LIX1L: variants seen among roughly 807,000 people sequenced by gnomAD.
The protein encoded by LIX1L is LIX1-like protein.
LIX1L carries 20 observed loss-of-function variants against 34.0 expected under a neutral mutation model. The ratio of observed to expected loss-of-function variants is 0.59; its 90% CI spans 0.41 to 0.85. The LOEUF is 0.85. LIX1L is among the 40% of genes least tolerant of loss of function. The probability of loss-of-function intolerance (pLI) is 0.00; values close to 1 mark genes in which losing one functional copy is unlikely to be tolerated. For missense variants in LIX1L, 397 were observed against 447.0 expected (o/e 0.89, Z 1.01); for synonymous variants, 170 against 187.4 (o/e 0.91, Z 0.76).
At position 145,936,906 on chromosome 1, in the gene LIX1L, A is replaced by G; in HGVS notation, c.771+2T>C. ...TTCGCCCCCACTCATAAAATCTCTT[A>G]CCTGCCGAGAGCATTGTCGTTCCCT... On this transcript the variant is annotated splice_donor_variant, in intron 5 of 5. Coordinates refer to ENST00000604000, the MANE Select transcript of LIX1L (RefSeq NM_153713.3). LOFTEE classifies it high-confidence loss of function. 6.2e-7 allele frequency: 1 copy of G among 1,606,180 alleles called. No homozygotes were observed. The highest frequency in any genetic ancestry group is 8.5e-7 in the Non-Finnish European group (1 of 1,172,994).
At chr1:145,944,334 G>C (rs927635346) in intron 2 of LIX1L, among the ~76,000 whole-genome samples, 2 of 152,154 alleles carry the variant, frequency 1.3e-5, no homozygotes, top group Admixed American at 1.3e-4. Context: ...ACTCCAGCCT[G>C]GGCAACAGAG....
In LIX1L at chr1:145,947,640, TC is replaced by T; in HGVS notation, c.434del (p.Gly145GlufsTer25). ...PYVCYVTLPG[G>X]SCFGSFQFCP... ...TTACCTGGAAACTCCCAAAGCAGCTTCCCCCAGGCAGGGTGACATAGCAGAC... is the reference window on the plus strand; with the variant it reads ...TTACCTGGAAACTCCCAAAGCAGCTTCCCCAGGCAGGGTGACATAGCAGAC... On this transcript the variant is annotated frameshift_variant, in exon 2 of 6. Coordinates refer to ENST00000604000, the MANE Select transcript of LIX1L (RefSeq NM_153713.3). LOFTEE classifies it high-confidence loss of function. 1 of 1,613,922 alleles carries T rather than the reference TC, an allele frequency of 6.2e-7. No homozygotes were observed. The highest frequency in any genetic ancestry group is 8.5e-7 in the Non-Finnish European group (1 of 1,179,920).
chr1:145,942,502 C>CA (rs1370613705), intron 3 of LIX1L, among the ~76,000 whole-genome samples: 1 of 152,072 alleles, frequency 6.6e-6, no homozygotes, highest in African/African-American at 2.4e-5. Flanking sequence ...GACAAAACAA[C>CA]AAAAAACACA....
At chr1:145,937,474 T>C in intron 4 of LIX1L, 130 bp downstream of exon 4, 2 of 623,382 alleles carry the variant, frequency 3.2e-6, no homozygotes, top group South Asian at 4.1e-5. Flanking sequence ...GGTATTTATT[T>C]TTGAAAAATA....
intron 5 of LIX1L, 148 bp downstream of exon 5, chr1:145,936,760 T>G: frequency 1.3e-6 from 1 of 783,168 alleles, no homozygotes; most frequent in Non-Finnish European, 2.1e-6. Context: ...GGAAAGATTA[T>G]AGGAATGAAG....
intron 2 of LIX1L, among the ~76,000 whole-genome samples, chr1:145,946,200 CTTTT>C (rs5777570): frequency 5.8e-5 from 8 of 138,042 alleles, no homozygotes; most frequent in Admixed American, 1.5e-4. Context: ...GACTGAAGTT[CTTTT>C]TTTTTTTTTT....
Position 145,950,760 on chromosome 1 carries a change from C to A in LIX1L, c.293-2978G>T, listed in dbSNP as rs368672160. Among the ~76,000 whole-genome samples, 21 of 152,244 alleles carry A rather than the reference C, an allele frequency of 1.4e-4. No homozygotes were observed. The East Asian group carries it at 3.7e-3, about 27-fold the overall frequency. On this transcript the variant is annotated intron_variant, in intron 1 of 5. Transcript: ENST00000604000. The stretch of plus-strand genomic sequence containing the variant: ...CACCAGGATCTGCCTGTGTTAATAC[C>A]CCTGATGTGCTAGGTCATTGGCTGG...
intron 3 of LIX1L, among the ~76,000 whole-genome samples, chr1:145,941,496 G>A (rs1559239594): frequency 6.6e-6 from 1 of 151,814 alleles, no homozygotes; most frequent in Non-Finnish European, 1.5e-5. Flanking sequence ...CAGATGATCC[G>A]CCTGCCTCAG....
At chr1:145,955,977 C>T (rs1649461322) in intron 1 of LIX1L, among the ~76,000 whole-genome samples, 1 of 152,156 alleles carries the variant, frequency 6.6e-6, no homozygotes, top group Non-Finnish European at 1.5e-5. Flanking sequence ...CTGTAAGTTG[C>T]CAAGAGGAAG....
chr1:145,944,906 C>T (rs1239639348), intron 2 of LIX1L, among the ~76,000 whole-genome samples: 5 of 151,732 alleles, frequency 3.3e-5, no homozygotes, highest in Non-Finnish European at 7.4e-5. Context: ...CATATGCCTG[C>T]GGCCCCAGCT....
chr1:145,938,738 C>A (rs782019628), intron 3 of LIX1L, among the ~76,000 whole-genome samples: 1 of 152,056 alleles, frequency 6.6e-6, no homozygotes, highest in Non-Finnish European at 1.5e-5. Context: ...TAGGCATGCG[C>A]CATCACGCCC....
At chr1:145,947,515 C>T in intron 2 of LIX1L, 104 bp downstream of exon 2, 3 of 1,249,890 alleles carry the variant, frequency 2.4e-6, no homozygotes, top group Non-Finnish European at 1.1e-6. Context: ...TGCTTTAGGT[C>T]CTCAAATATA....
intron 1 of LIX1L, among the ~76,000 whole-genome samples, chr1:145,953,843 CA>C (rs1649380059): frequency 6.6e-6 from 1 of 151,970 alleles, no homozygotes; most frequent in African/African-American, 2.4e-5. Context: ...CACTTGAGGC[CA>C]GGAGTTCAAG....
At chr1:145,937,784 C>G in intron 3 of LIX1L, 85 bp from the exon 4 acceptor site, 1 of 811,066 alleles carries the variant, frequency 1.2e-6, no homozygotes, top group East Asian at 2.5e-5. Context: ...AAATATAATG[C>G]AAGCCACATA....
At chr1:145,942,035 C>G (rs949448166) in intron 3 of LIX1L, 1 of 152,362 alleles carries the variant, frequency 6.6e-6, no homozygotes, top group South Asian at 2.1e-4. Flanking sequence ...AGACGCCCCC[C>G]ACCATGCCCG....
Position 145,957,837 on chromosome 1 carries a change from C to G in LIX1L, c.91G>C (p.Ala31Pro). 1 of 1,417,894 alleles carries G rather than the reference C, an allele frequency of 7.1e-7. No individual in the cohort carries two copies. The highest frequency in any genetic ancestry group is 9.2e-7 in the Non-Finnish European group (1 of 1,087,092). 87.8% of individuals were successfully genotyped at this position (1,417,894 alleles called of 1,614,324 possible). A position where few individuals can be genotyped will look rare whatever the true frequency, so the allele number is the denominator to read the frequency against. ...LRALRPGVTG[A>P]AAATATPPAG... ...GGGGGTGTGGCGGTGGCGGCCGCGG[C>G]CCCAGTCACTCCGGGCCGCAGCGCT... is the stretch of plus-strand genomic sequence containing the variant. The change falls in exon 1 of 6, where the codon GCC becomes CCC. Residue 31 changes from alanine to proline, a missense_variant. Coordinates refer to ENST00000604000, the MANE Select transcript of LIX1L (RefSeq NM_153713.3).
intron 4 of LIX1L, 94 bp downstream of exon 4, chr1:145,937,510 G>A (rs1553757987): frequency 1.4e-6 from 1 of 740,574 alleles, no homozygotes; most frequent in Non-Finnish European, 2.3e-6. Flanking sequence ...TTCTTTTCCA[G>A]TATCAATGAG....
rs1313105450 is a variant in LIX1L, at chr1:145,934,055, G to T, written c.*2255C>A. Reference sequence around the variant, plus strand: ...TTCTAAAAGCAAAGTCTGTATAATTGTTAAGTGGGAAGTCCAATTGCAGGA... The same window carrying T: ...TTCTAAAAGCAAAGTCTGTATAATTTTTAAGTGGGAAGTCCAATTGCAGGA... On this transcript the variant is annotated 3_prime_UTR_variant, in exon 6 of 6. Transcript: ENST00000604000. The T allele has an allele frequency of 6.6e-6, 1 of 152,210 alleles. No homozygotes were observed. The highest frequency in any genetic ancestry group is 2.4e-5 in the African/African-American group (1 of 41,418). The allele number at this position is 152,210 out of a possible 1,614,324, so 9.4% of individuals were successfully genotyped here. A position where few individuals can be genotyped will look rare whatever the true frequency, so the allele number is the denominator to read the frequency against.
In LIX1L at chr1:145,934,875, A is replaced by C. The variant is rs113245989; in HGVS notation, c.*1435T>G. 0.071 allele frequency: 10,794 copies of C among 152,096 alleles called. 1,288 individuals are homozygous for C. Among genetic ancestry groups the C allele is most frequent in the African/African-American group, 0.24 (10,098 of 41,276 alleles). The allele number at this position is 152,096 out of a possible 1,614,324, so 9.4% of individuals were successfully genotyped here. ...AAAACAAAAACAAAACCAAAAAAAA[A>C]CCACAAATAGGCCAGGCTCAGTGCC... On this transcript the variant is annotated 3_prime_UTR_variant, in exon 6 of 6. Transcript: ENST00000604000.
Sources: gnomAD v4.1 joint callset for allele counts (sites outside exome capture counted in the v4.1 genomes callset) on GRCh38, gnomAD v4.1.1 for gene constraint, MANE v1.5 for transcripts, NCBI Gene and HGNC (gene_info 2026-07-23, HGNC 2026-07-21) for gene names.